The following SYNE1 variants were observed in gnomAD, a reference collection of about 807,000 sequenced individuals.
The protein encoded by SYNE1 is spectrin repeat containing nuclear envelope protein 1, also known as nesprin-1.
A neutral mutation model predicts 1,111.0 loss-of-function variants in SYNE1; 616 were observed. The ratio of observed to expected loss-of-function variants is 0.55; its 90% CI spans 0.52 to 0.59. The LOEUF (loss-of-function observed/expected upper bound fraction) is 0.59, where lower values mean the gene tolerates loss of function less well. Among genes scored for constraint, SYNE1 ranks in the 20% least tolerant of loss-of-function variants. The pLI is 0.00. For missense variants in SYNE1, 10,006 were observed against 10,417.0 expected, an observed-to-expected ratio of 0.96 and a Z score of 1.72; for synonymous variants, 3,855 against 3,825.8, an observed-to-expected ratio of 1.01 and a Z score of -0.28.
At chr6:152,257,020 T>C (rs1340135905) in intron 101 of SYNE1, among the ~76,000 whole-genome samples, 6 of 152,142 alleles carry the variant, frequency 3.9e-5, no homozygotes, top group Non-Finnish European at 8.8e-5. Flanking sequence ...GAATAAGTTC[T>C]GGTGTTCTAT....
Position 152,148,164 on chromosome 6 carries a change from T to C in SYNE1, c.24857A>G (p.Asp8286Gly). 2 of 1,614,194 alleles carry C rather than the reference T, an allele frequency of 1.2e-6. No homozygotes were observed. Among genetic ancestry groups the C allele is most frequent in the South Asian group, 2.2e-5 (2 of 91,084 alleles). The change falls in exon 137 of 146, where the codon GAT becomes GGT. Residue 8286 changes from aspartate (D) to glycine (G), a missense_variant. Asp to Gly is a moderately conservative substitution (Grantham distance 94). Transcript: ENST00000367255. The surrounding 1 kb of genome is among the most constrained non-coding windows in gnomAD (Gnocchi z 4.1). ...ASVDSIPLEW[D>G]HDYDLSRDLE... Reference sequence around the variant, plus strand: ...GTCCCGACTGAGGTCATAGTCGTGATCCCACTCCAGGGGGATGGAGTCCAC... The same window carrying C: ...GTCCCGACTGAGGTCATAGTCGTGACCCCACTCCAGGGGGATGGAGTCCAC...
intron 32 of SYNE1, among the ~76,000 whole-genome samples, chr6:152,439,519 G>A (rs983279012): frequency 5.3e-5 from 8 of 152,094 alleles, no homozygotes; most frequent in Admixed American, 2.6e-4. Context: ...ATGAGCCATC[G>A]TACCCGGCCA....
chr6:152,376,272 G>C (rs146899502), intron 58 of SYNE1, 109 bp downstream of exon 58: 1 of 1,221,494 alleles, frequency 8.2e-7, no homozygotes, highest in Non-Finnish European at 1.2e-6. Flanking sequence ...TTCCTAACAG[G>C]CCAGGGACCT....
In SYNE1 at chr6:152,367,326, C is replaced by A; in HGVS notation, c.9864G>T (p.Gly3288=). 6.2e-7 allele frequency: 1 copy of A among 1,614,124 alleles called. No individual in the cohort carries two copies. Among genetic ancestry groups the A allele is most frequent in the Non-Finnish European group, 8.5e-7 (1 of 1,179,980 alleles). Residue 3288 remains glycine, a synonymous_variant, in exon 62 of 146, where the codon GGG becomes GGT. Coordinates refer to ENST00000367255, the MANE Select transcript of SYNE1 (RefSeq NM_182961.4). The part of the protein sequence containing the change: ...IVAEHNQFSL[G]IKELQDWMTD... ...TCATCCAGTCTTGTAATTCTTTAATCCCAAGAGAGAACTGATTGTGTTCTG... is the reference window on the plus strand; with the variant it reads ...TCATCCAGTCTTGTAATTCTTTAATACCAAGAGAGAACTGATTGTGTTCTG...
intron 18 of SYNE1, chr6:152,464,848 T>A: frequency 3.7e-6 from 1 of 271,328 alleles, no homozygotes; most frequent in East Asian, 9.4e-5. Context: ...ACAGAATATC[T>A]AACGAGATAC....
At chr6:152,385,279 T>G (rs1281339412) in intron 55 of SYNE1, among the ~76,000 whole-genome samples, 1 of 152,202 alleles carries the variant, frequency 6.6e-6, no homozygotes, top group Non-Finnish European at 1.5e-5. Context: ...TTGGATGTCG[T>G]CTAGAAAAGC....
At position 152,221,436 on chromosome 6, in the gene SYNE1, C is replaced by A; in HGVS notation, c.21646G>T (p.Val7216Phe). 1.2e-6 allele frequency: 2 copies of A among 1,613,844 alleles called. No homozygotes were observed. Among genetic ancestry groups the A allele is most frequent in the Non-Finnish European group, 1.7e-6 (2 of 1,179,902 alleles). Reference sequence around the variant, plus strand: ...TAACATACTCCATACCTCATGTTGACTTCTTTCAGTGTATTGGTAAGAGTT... The same window carrying A: ...TAACATACTCCATACCTCATGTTGAATTCTTTCAGTGTATTGGTAAGAGTT... ...TETLTNTLKE[V>F]NMRWNNLLEE... The change falls in exon 118 of 146, where the codon GTC becomes TTC. Residue 7216 changes from valine to phenylalanine, a missense_variant. Physicochemically the swap from Val to Phe is conservative, Grantham distance 50 (BLOSUM62 -1). Transcript: ENST00000367255.
At chr6:152,359,771 C>G (rs76222870) in intron 64 of SYNE1, among the ~76,000 whole-genome samples, 148 of 152,180 alleles carry the variant, frequency 9.7e-4, no homozygotes, top group African/African-American at 3.5e-3. Flanking sequence ...GATGTTCACC[C>G]TATCCCTATT....
At chr6:152,382,074 A>G (rs2097427740) in intron 55 of SYNE1, among the ~76,000 whole-genome samples, 1 of 152,364 alleles carries the variant, frequency 6.6e-6, no homozygotes, top group South Asian at 2.1e-4. Flanking sequence ...TAAAGCACAC[A>G]AATACTGTAA....
chr6:152,392,334 G>C (rs769598427), intron 51 of SYNE1, among the ~76,000 whole-genome samples: 91 of 152,132 alleles, frequency 6.0e-4, no homozygotes, highest in Non-Finnish European at 1.1e-3. Context: ...CTTGTGTATT[G>C]AGCTCATCTT....
chr6:152,145,105 C>A, intron 137 of SYNE1: 1 of 325,506 alleles, frequency 3.1e-6, no homozygotes, highest in South Asian at 2.7e-5. Flanking sequence ...CCAGAGCCTG[C>A]ACCCTGAGTC....
intron 40 of SYNE1, among the ~76,000 whole-genome samples, chr6:152,417,365 G>T (rs1228682974): frequency 6.6e-6 from 1 of 152,152 alleles, no homozygotes; most frequent in Non-Finnish European, 1.5e-5. Context: ...AGGCGTGGTG[G>T]TGGGCGCCTG....
At chr6:152,130,335 T>C (rs1249439687) in intron 145 of SYNE1, among the ~76,000 whole-genome samples, 1 of 152,226 alleles carries the variant, frequency 6.6e-6, no homozygotes, top group Non-Finnish European at 1.5e-5. Flanking sequence ...GTTTTGTGAA[T>C]GGTAAAAGAA....
At chr6:152,383,036 A>G (rs1435203062) in intron 55 of SYNE1, among the ~76,000 whole-genome samples, 1 of 152,176 alleles carries the variant, frequency 6.6e-6, no homozygotes, top group Non-Finnish European at 1.5e-5. Flanking sequence ...TGGATGTGAT[A>G]GGTATGGTGT....
At position 152,254,943 on chromosome 6, in the gene SYNE1, G is replaced by A. The variant is rs1406620125; in HGVS notation, c.19407C>T (p.Asp6469=). 1 of 1,613,844 alleles carries A rather than the reference G, an allele frequency of 6.2e-7. No homozygotes were observed. Among genetic ancestry groups the A allele is most frequent in the Non-Finnish European group, 8.5e-7 (1 of 1,179,954 alleles). ...GCLLGRLSLL[D]SVVNQRCHQM... ...GATGACATCGTTGATTCACTACTGA[G>A]TCTAGCAAGGATAACCTGCCCAAAA... The change falls in exon 104 of 146, where the codon GAC becomes GAT. Residue 6469 remains aspartate, a synonymous_variant. Coordinates refer to ENST00000367255, the MANE Select transcript of SYNE1 (RefSeq NM_182961.4).
Position 152,580,297 on chromosome 6 carries a change from C to T in SYNE1, c.68-40276G>A, listed in dbSNP as rs112191865. ...TCGAACATTTTTTCATATACTTGTC[C>T]ACATGCGTGTCTTCTTATAGAAACG... On this transcript the variant is annotated intron_variant, in intron 3 of 145. Coordinates refer to ENST00000367255, the MANE Select transcript of SYNE1 (RefSeq NM_182961.4). Among the ~76,000 whole-genome samples the T allele has an allele frequency of 5.9e-5, 9 of 152,136 alleles. 1 individual carries two copies. Among genetic ancestry groups the T allele is most frequent in the African/African-American group, 2.2e-4 (9 of 41,498 alleles).
Position 152,339,503 on chromosome 6 carries a change from G to A in SYNE1, c.12226-137C>T, listed in dbSNP as rs2096485295. ...AGTGTTTTCACCATTGTGTTCAAGT[G>A]ACATATATTAGTGACTCACAGGAAA... On this transcript the variant is annotated intron_variant, in intron 74 of 145. Transcript: ENST00000367255. The A allele has an allele frequency of 7.8e-6, 10 of 1,280,128 alleles. No individual in the cohort carries two copies. The South Asian group carries it at 1.3e-4, about 16-fold the overall frequency. The allele number at this position is 1,280,128 out of a possible 1,614,324, so 79.3% of individuals were successfully genotyped here. A position where few individuals can be genotyped will look rare whatever the true frequency, so the allele number is the denominator to read the frequency against.
intron 3 of SYNE1, among the ~76,000 whole-genome samples, chr6:152,570,569 G>A (rs2099447197): frequency 6.6e-6 from 1 of 152,164 alleles, no homozygotes; most frequent in Non-Finnish European, 1.5e-5. Context: ...ACTTGCTGAG[G>A]CCACGTTGGA....
rs1180302860 is a variant in SYNE1, at chr6:152,222,178, A to AT, written c.21523-620dup. On this transcript the variant is annotated intron_variant, in intron 117 of 145. Coordinates refer to ENST00000367255, the MANE Select transcript of SYNE1 (RefSeq NM_182961.4). ...TGCAGGGATAGGGACTGCGTTAGGG[A>AT]TAAAAACTCCTTCTCTCCTTTGTTC... 2.0e-5 allele frequency among the ~76,000 whole-genome samples: 3 copies of AT among 152,220 alleles called. No individual in the cohort carries two copies. In the South Asian group the frequency reaches 6.2e-4, roughly 32 times the overall value.
Sources: allele counts gnomAD v4.1 joint callset (sites outside exome capture counted in the v4.1 genomes callset), GRCh38; gene constraint gnomAD v4.1.1; non-coding constraint Gnocchi (gnomAD v3.1); transcripts MANE v1.5; gene names NCBI Gene and HGNC (gene_info 2026-07-23, HGNC 2026-07-21).